Variants in CLVS1 observed in about 807,000 individuals in gnomAD.
CLVS1 encodes the protein clavesin-1.
A neutral mutation model predicts 33.1 loss-of-function variants in CLVS1; 10 were observed. The ratio of observed to expected loss-of-function variants is 0.30; its 90% CI spans 0.19 to 0.51. The LOEUF is 0.51. Among genes scored for constraint, CLVS1 ranks in the 20% least tolerant of loss-of-function variants. The pLI is 0.97. For missense variants in CLVS1, 343 were observed against 433.4 expected, an observed-to-expected ratio of 0.79 and a Z score of 1.85; for synonymous variants, 163 against 166.1, an observed-to-expected ratio of 0.98 and a Z score of 0.14.
chr8:61,074,180 A>G (rs192562694), intron 1 of CLVS1, among the ~76,000 whole-genome samples: 118 of 151,006 alleles, frequency 7.8e-4, no homozygotes, highest in African/African-American at 2.7e-3. Flanking sequence ...TCTGCAAAAA[A>G]TGCAAAAATT....
chr8:61,403,741 A>T (rs1037124253), intron 3 of CLVS1, among the ~76,000 whole-genome samples: 18 of 152,242 alleles, frequency 1.2e-4, no homozygotes, highest in African/African-American at 4.3e-4. Flanking sequence ...AGTTTTGCAC[A>T]TTGTAAACAT....
intron 3 of CLVS1, among the ~76,000 whole-genome samples, chr8:61,424,467 A>T (rs1432602348): frequency 6.6e-6 from 1 of 152,250 alleles, no homozygotes; most frequent in Non-Finnish European, 1.5e-5. Context: ...TATAATTTGC[A>T]GATAATTTAT....
At chr8:61,257,055 C>A (rs1427762452) in intron 2 of CLVS1, among the ~76,000 whole-genome samples, 1 of 152,128 alleles carries the variant, frequency 6.6e-6, no homozygotes, top group African/African-American at 2.4e-5. Flanking sequence ...CCTGAAACAA[C>A]ACCAAAAAGA....
chr8:61,493,472 C>T (rs1370383309), intron 5 of CLVS1, among the ~76,000 whole-genome samples: 1 of 152,202 alleles, frequency 6.6e-6, no homozygotes, highest in Non-Finnish European at 1.5e-5. Flanking sequence ...TAATCCTCAT[C>T]ATCCCCAGCA....
intron 1 of CLVS1, among the ~76,000 whole-genome samples, chr8:61,291,644 C>T (rs989110060): frequency 2.0e-5 from 3 of 152,088 alleles, no homozygotes; most frequent in African/African-American, 7.2e-5. Flanking sequence ...CCCATGAGAT[C>T]TTTCACTCTT....
At chr8:61,258,101 G>A (rs186389011) in intron 2 of CLVS1, among the ~76,000 whole-genome samples, 1 of 152,136 alleles carries the variant, frequency 6.6e-6, no homozygotes, top group Admixed American at 6.5e-5. Flanking sequence ...TCTCTTCTCT[G>A]CTCCCATGGG....
chr8:61,096,410 T>C (rs1474668426), intron 1 of CLVS1, among the ~76,000 whole-genome samples: 1 of 152,194 alleles, frequency 6.6e-6, no homozygotes, highest in Non-Finnish European at 1.5e-5. Context: ...ATTCTAAAAA[T>C]CAGGATATGT....
At chr8:61,255,077 T>A (rs1357464274) in intron 2 of CLVS1, among the ~76,000 whole-genome samples, 2 of 152,156 alleles carry the variant, frequency 1.3e-5, no homozygotes, top group East Asian at 1.9e-4. Flanking sequence ...TTTTGTATAT[T>A]TTTTTAGGTA....
chr8:61,051,109 A>T, the CLVS1 span, among the ~76,000 whole-genome samples: 1 of 152,242 alleles, frequency 6.6e-6, no homozygotes, highest in Non-Finnish European at 1.5e-5. Flanking sequence ...GTCACGTTGC[A>T]GATTCCTAGA....
chr8:61,277,338 C>T (rs1809578006), intron 2 of CLVS1, among the ~76,000 whole-genome samples: 1 of 152,208 alleles, frequency 6.6e-6, no homozygotes, highest in African/African-American at 2.4e-5. Flanking sequence ...CCCAAACCTG[C>T]ATTCAGGGCT....
At chr8:61,073,314 C>T (rs1283190296) in intron 1 of CLVS1, among the ~76,000 whole-genome samples, 1 of 152,162 alleles carries the variant, frequency 6.6e-6, no homozygotes, top group Admixed American at 6.6e-5. Flanking sequence ...GTAAAATGTT[C>T]GTAGCTTTAG....
At chr8:61,045,954 T>C in the CLVS1 span, among the ~76,000 whole-genome samples, 3 of 152,204 alleles carry the variant, frequency 2.0e-5, no homozygotes, top group Non-Finnish European at 4.4e-5. Flanking sequence ...TACACTCTGA[T>C]GGTAGTTTCT....
chr8:61,341,285 T>C (rs1812020629), intron 2 of CLVS1, among the ~76,000 whole-genome samples: 1 of 152,162 alleles, frequency 6.6e-6, no homozygotes, highest in Admixed American at 6.5e-5. Context: ...GGGACTGAAA[T>C]TGGACGGCAG....
intron 2 of CLVS1, among the ~76,000 whole-genome samples, chr8:61,376,387 G>A (rs527569339): frequency 7.6e-4 from 115 of 152,228 alleles, no homozygotes; most frequent in Non-Finnish European, 1.5e-3. Flanking sequence ...TAAGTTTGGG[G>A]TGCAGAGCCA....
chr8:61,045,665 G>A, the CLVS1 span, among the ~76,000 whole-genome samples: 1 of 152,092 alleles, frequency 6.6e-6, no homozygotes, highest in Non-Finnish European at 1.5e-5. Flanking sequence ...AAGTAGAAGT[G>A]GCTTTGTTCA....
At chr8:61,493,956 C>A (rs1804185625) in intron 5 of CLVS1, among the ~76,000 whole-genome samples, 1 of 152,088 alleles carries the variant, frequency 6.6e-6, no homozygotes, top group Non-Finnish European at 1.5e-5. Flanking sequence ...ATTCCTGTCC[C>A]TTTGTTGGGG....
At chr8:61,335,964 A>C (rs566233428) in intron 2 of CLVS1, among the ~76,000 whole-genome samples, 71 of 152,248 alleles carry the variant, frequency 4.7e-4, no homozygotes, top group Non-Finnish European at 8.7e-4. Context: ...ACACTTTTGG[A>C]GGCTCACAGG....
rs1585589981 is a variant in CLVS1, at chr8:61,074,382, A to G, written c.-243+17152A>G. ...TGTGTATATATATATATATAAGTAT[A>G]TGTGTATATATATATGTTATATATA... On this transcript the variant is annotated intron_variant, in intron 1 of 2. Transcript: ENST00000522621. 3.8e-5 allele frequency among the ~76,000 whole-genome samples: 2 copies of G among 52,204 alleles called. 1 individual carries two copies. Among genetic ancestry groups the G allele is most frequent in the African/African-American group, 5.7e-4 (2 of 3,516 alleles). 34.2% of individuals were successfully genotyped at this position (52,204 alleles called of 152,430 possible).
At chr8:61,110,034 TCC>T in intron 1 of CLVS1, among the ~76,000 whole-genome samples, 1 of 152,268 alleles carries the variant, frequency 6.6e-6, no homozygotes, top group East Asian at 1.9e-4. Context: ...CCTCACTTCA[TCC>T]CCTCCTCTGG....
Sources: allele counts gnomAD v4.1 joint callset (sites outside exome capture counted in the v4.1 genomes callset), GRCh38; gene constraint gnomAD v4.1.1; transcripts MANE v1.5; gene names NCBI Gene and HGNC (gene_info 2026-07-23, HGNC 2026-07-21).